Variants in PLEKHA6 observed in about 807,000 individuals in gnomAD.
The protein encoded by PLEKHA6 is pleckstrin homology domain containing A6.
In PLEKHA6, 60 loss-of-function variants were observed where a neutral mutation model predicts 116.7. That is an observed-to-expected ratio of 0.51 (90% CI 0.42 to 0.64). The LOEUF (loss-of-function observed/expected upper bound fraction) is 0.64, where lower values mean the gene tolerates loss of function less well. PLEKHA6 is among the 30% of genes least tolerant of loss of function. The pLI is 0.00. For missense variants in PLEKHA6, 1,338 were observed against 1,422.7 expected, an observed-to-expected ratio of 0.94 and a Z score of 0.96; for synonymous variants, 489 against 556.1, an observed-to-expected ratio of 0.88 and a Z score of 1.70.
chr1:204,228,057 G>A lies in PLEKHA6; in HGVS notation c.3031+26C>T, dbSNP rs1320995065. On this transcript the variant is annotated intron_variant, in intron 21 of 22. Transcript: ENST00000272203. The surrounding 1 kb of genome is among the most constrained non-coding windows in gnomAD (Gnocchi z 4.0). ...CTGGTCAGCTGGTTTCCCTGGCAGG[G>A]TGGAGCGAGGCCCAGCCCCTCTCAC... 1.2e-6 allele frequency: 2 copies of A among 1,607,240 alleles called. No homozygotes were observed. The highest frequency in any genetic ancestry group is 3.4e-5 in the Admixed American group (2 of 59,590).
intron 17 of PLEKHA6, among the ~76,000 whole-genome samples, chr1:204,231,574 T>C (rs1243778256): frequency 6.6e-6 from 1 of 150,996 alleles, no homozygotes; most frequent in East Asian, 1.9e-4. Flanking sequence ...TCTTTCTTTT[T>C]TTTTTTTTTC....
At chr1:204,369,967 G>A (rs1417212056) in intron 2 of PLEKHA6, among the ~76,000 whole-genome samples, 5 of 152,192 alleles carry the variant, frequency 3.3e-5, no homozygotes, top group Non-Finnish European at 7.3e-5. Flanking sequence ...CTGATGTAAT[G>A]CTACTACTTT....
chr1:204,297,217 A>G lies in PLEKHA6; in HGVS notation c.-94-22408T>C, dbSNP rs114464993. ...ACATTTGTCTTTGATGTGACATTTAACTCCTAAACACTACCTTCTGGTAGG... is the reference window on the plus strand; with the variant it reads ...ACATTTGTCTTTGATGTGACATTTAGCTCCTAAACACTACCTTCTGGTAGG... On this transcript the variant is annotated intron_variant, in intron 1 of 22. Coordinates refer to ENST00000272203, the MANE Select transcript of PLEKHA6 (RefSeq NM_014935.5). 3,639 of 981,102 alleles carry G rather than the reference A, an allele frequency of 3.7e-3. 81 individuals are homozygous for G. In the African/African-American group the frequency reaches 0.053, roughly 14 times the overall value. The allele number at this position is 981,102 out of a possible 1,614,324, so 60.8% of individuals were successfully genotyped here. A position where few individuals can be genotyped will look rare whatever the true frequency, so the allele number is the denominator to read the frequency against.
chr1:204,283,007 GC>G (rs909886565), intron 1 of PLEKHA6, among the ~76,000 whole-genome samples: 2 of 152,026 alleles, frequency 1.3e-5, no homozygotes, highest in African/African-American at 4.8e-5. Context: ...AATTAATTAT[GC>G]CCCCCCACCG....
chr1:204,256,725 G>C (rs181806117), intron 9 of PLEKHA6: 34 of 464,108 alleles, frequency 7.3e-5, no homozygotes, highest in Non-Finnish European at 1.2e-4. Context: ...CCTGGAGTCC[G>C]CCCCAGTTTA....
At chr1:204,351,467 G>A (rs1412181940) in intron 1 of PLEKHA6, among the ~76,000 whole-genome samples, 1 of 152,110 alleles carries the variant, frequency 6.6e-6, no homozygotes, top group African/African-American at 2.4e-5. Context: ...CTCACCCTCC[G>A]CCCTTCCTGA....
chr1:204,282,225 A>ATGTGTGTGCACGCACG (rs1668700803), intron 1 of PLEKHA6, among the ~76,000 whole-genome samples: 2 of 152,104 alleles, frequency 1.3e-5, no homozygotes, highest in Non-Finnish European at 2.9e-5. Flanking sequence ...GTTCAAGCTC[A>ATGTGTGTGCACGCACG]TGTGTGTGCA....
chr1:204,308,349 G>A (rs1244608537), intron 1 of PLEKHA6, among the ~76,000 whole-genome samples: 1 of 152,200 alleles, frequency 6.6e-6, no homozygotes, highest in Non-Finnish European at 1.5e-5. Flanking sequence ...GTTCGAGGCT[G>A]CAGTGAGCTA....
At chr1:204,256,897 GA>G in intron 9 of PLEKHA6, 1 of 637,482 alleles carries the variant, frequency 1.6e-6, no homozygotes, top group South Asian at 1.8e-5. Flanking sequence ...TACTGGAAGA[GA>G]AAGGGATCGC....
chr1:204,248,230 C>T (rs1021978663), intron 12 of PLEKHA6, among the ~76,000 whole-genome samples: 2 of 145,364 alleles, frequency 1.4e-5, no homozygotes, highest in Non-Finnish European at 3.0e-5. Flanking sequence ...GCGATCTCGG[C>T]TCACGGCAAC....
At chr1:204,334,379 A>G (rs185668145) in intron 1 of PLEKHA6, among the ~76,000 whole-genome samples, 8 of 152,296 alleles carry the variant, frequency 5.3e-5, no homozygotes, top group African/African-American at 1.9e-4. Flanking sequence ...CTAATTACCT[A>G]TGACATACAT....
At chr1:204,338,344 C>G (rs896486302) in intron 1 of PLEKHA6, among the ~76,000 whole-genome samples, 3 of 152,182 alleles carry the variant, frequency 2.0e-5, no homozygotes, top group African/African-American at 7.2e-5. Flanking sequence ...AAGCTCCTAG[C>G]CTGCTCTGTT....
intron 1 of PLEKHA6, among the ~76,000 whole-genome samples, chr1:204,297,414 G>C (rs1670388319): frequency 1.3e-5 from 2 of 152,218 alleles, no homozygotes; most frequent in Admixed American, 6.5e-5. Flanking sequence ...TCGCTGTCCT[G>C]GGGGAGTTGA....
rs1336685201 is a variant in PLEKHA6, at chr1:204,299,564, T to C, written c.-94-24755A>G. ...GGCAGCCAGCAAGCTGACACAGCTT[T>C]GAGACATTTTCCCAGAGGACAGCCA... is the stretch of plus-strand genomic sequence containing the variant. On this transcript the variant is annotated intron_variant, in intron 1 of 22. Coordinates refer to ENST00000272203, the MANE Select transcript of PLEKHA6 (RefSeq NM_014935.5). 5 of 926,890 alleles carry C rather than the reference T, an allele frequency of 5.4e-6. No individual in the cohort carries two copies. In the Admixed American group the frequency reaches 3.1e-4, roughly 57 times the overall value. The allele number at this position is 926,890 out of a possible 1,614,324, so 57.4% of individuals were successfully genotyped here.
At chr1:204,276,259 G>C (rs1222023302) in intron 1 of PLEKHA6, among the ~76,000 whole-genome samples, 2 of 152,306 alleles carry the variant, frequency 1.3e-5, no homozygotes, top group African/African-American at 4.8e-5. Context: ...TGCCAGCCAG[G>C]ACCCAAAAAC....
In PLEKHA6 at chr1:204,280,435, C is replaced by A. The variant is rs114010856; in HGVS notation, c.-94-5626G>T. The A allele has an allele frequency of 7.3e-5, 72 of 985,364 alleles. 1 individual carries two copies. In the African/African-American group the frequency reaches 1.2e-3, roughly 16 times the overall value. 61.0% of individuals were successfully genotyped at this position (985,364 alleles called of 1,614,324 possible). A position where few individuals can be genotyped will look rare whatever the true frequency, so the allele number is the denominator to read the frequency against. On this transcript the variant is annotated intron_variant, in intron 1 of 22. Transcript: ENST00000272203. ...GACTGGAGAAATACTCCACTCCTTC[C>A]ACCCACTGGGCCTCTCTTGATTATC...
intron 14 of PLEKHA6, 108 bp from the exon 15 acceptor site, chr1:204,245,111 G>T: frequency 1.3e-6 from 1 of 762,936 alleles, no homozygotes; most frequent in African/African-American, 1.8e-5. Context: ...CCAGGGATGT[G>T]GAAGGGCAGA....
At chr1:204,273,515 C>G in intron 3 of PLEKHA6, 111 bp downstream of exon 3, 1 of 778,208 alleles carries the variant, frequency 1.3e-6, no homozygotes, top group Non-Finnish European at 2.3e-6. Context: ...ACTCTTGGAG[C>G]CTGCAGAAAT....
At chr1:204,367,529 C>T (rs913400253) in intron 3 of PLEKHA6, among the ~76,000 whole-genome samples, 9 of 152,062 alleles carry the variant, frequency 5.9e-5, no homozygotes, top group Admixed American at 3.9e-4. Flanking sequence ...TCCTTCCCAC[C>T]GGTACAGCCC....
Sources: allele counts gnomAD v4.1 joint callset (sites outside exome capture counted in the v4.1 genomes callset), GRCh38; gene constraint gnomAD v4.1.1; non-coding constraint Gnocchi (gnomAD v3.1); transcripts MANE v1.5; gene names NCBI Gene and HGNC (gene_info 2026-07-23, HGNC 2026-07-21).